Variants in NAAA observed in about 807,000 individuals in gnomAD.
The protein encoded by NAAA is N-acylethanolamine acid amidase.
NAAA carries 39 observed loss-of-function variants against 44.8 expected under a neutral mutation model. The ratio of observed to expected loss-of-function variants is 0.87; its 90% CI spans 0.67 to 1.14. The LOEUF (loss-of-function observed/expected upper bound fraction) is 1.14, where lower values mean the gene tolerates loss of function less well. Ranked by LOEUF, NAAA falls within the 50% of genes most tolerant of loss-of-function variation. The pLI is 0.00. For missense variants in NAAA, 460 were observed against 467.8 expected, an observed-to-expected ratio of 0.98 and a Z score of 0.15; for synonymous variants, 178 against 191.3, an observed-to-expected ratio of 0.93 and a Z score of 0.58.
intron 5 of NAAA, 58 bp from the exon 6 acceptor site, chr4:75,921,181 A>C: frequency 6.8e-7 from 1 of 1,475,314 alleles, no homozygotes; most frequent in Admixed American, 2.4e-5. Flanking sequence ...TCCACACCAG[A>C]TGATGCAAAA....
intron 2 of NAAA, among the ~76,000 whole-genome samples, chr4:75,937,153 G>C (rs1269572355): frequency 6.6e-6 from 1 of 152,210 alleles, no homozygotes; most frequent in Non-Finnish European, 1.5e-5. Flanking sequence ...GGGCACAGTG[G>C]CTCATGCCTG....
intron 9 of NAAA, among the ~76,000 whole-genome samples, chr4:75,915,465 C>T (rs936557054): frequency 4.6e-5 from 7 of 152,310 alleles, no homozygotes; most frequent in South Asian, 2.1e-4. Flanking sequence ...GCCTTACTTG[C>T]ACACATGTGA....
chr4:75,917,787 A>G lies in NAAA; in HGVS notation c.998+974T>C, dbSNP rs539881624. 70 of 434,080 alleles carry G rather than the reference A, an allele frequency of 1.6e-4. No homozygotes were observed. The East Asian group carries it at 2.1e-3, about 13-fold the overall frequency. 26.9% of individuals were successfully genotyped at this position (434,080 alleles called of 1,614,324 possible). On this transcript the variant is annotated intron_variant, in intron 9 of 10. Coordinates refer to ENST00000286733, the MANE Select transcript of NAAA (RefSeq NM_014435.4). The stretch of plus-strand genomic sequence containing the variant: ...GGCCTGCTTTCACTTAAAAAAAAAA[A>G]AAAAAGAAAAAGAAATTAAAAAGAA...
Position 75,921,694 on chromosome 4 carries a change from G to A in NAAA, c.667-571C>T, listed in dbSNP as rs990290615. On this transcript the variant is annotated intron_variant, in intron 5 of 10. Coordinates refer to ENST00000286733, the MANE Select transcript of NAAA (RefSeq NM_014435.4). Reference sequence around the variant, plus strand: ...GAGGTACTGCTGGGAAGCATCGCATGAATTGAAGCTAAAGAGACAAACACA... The same window carrying A: ...GAGGTACTGCTGGGAAGCATCGCATAAATTGAAGCTAAAGAGACAAACACA... 2.6e-5 allele frequency among the ~76,000 whole-genome samples: 4 copies of A among 152,208 alleles called. No individual in the cohort carries two copies. In the East Asian group the frequency reaches 5.8e-4, roughly 22 times the overall value.
At chr4:75,915,431 C>T (rs1445133911) in intron 9 of NAAA, among the ~76,000 whole-genome samples, 1 of 152,152 alleles carries the variant, frequency 6.6e-6, no homozygotes, top group Non-Finnish European at 1.5e-5. Flanking sequence ...TGGCCCTCAC[C>T]CTGGCTCTGT....
At chr4:75,935,263 A>G (rs1392603752) in intron 3 of NAAA, 1 of 152,218 alleles carries the variant, frequency 6.6e-6, no homozygotes, top group African/African-American at 2.4e-5. Flanking sequence ...ATGAGTTTTT[A>G]GTATTTGTGA....
chr4:75,920,956 A>C lies in NAAA; in HGVS notation c.834T>G (p.Asn278Lys), dbSNP rs780974723. 43 of 1,613,614 alleles carry C rather than the reference A, an allele frequency of 2.7e-5. No individual in the cohort carries two copies. The highest frequency in any genetic ancestry group is 4.0e-5 in the African/African-American group (3 of 74,850). ...PADIWPLDPL[N>K]GAWFRVETNY... ...GAGCTTTCAATTCTACTTACGCTCCATTCAAAGGATCTAGAGGCCAAATGT... is the reference window on the plus strand; with the variant it reads ...GAGCTTTCAATTCTACTTACGCTCCCTTCAAAGGATCTAGAGGCCAAATGT... Residue 278 changes from asparagine (N) to lysine (K), a missense_variant, in exon 6 of 11, where the codon AAT becomes AAG. Asn to Lys is a moderately conservative substitution (Grantham distance 94, BLOSUM62 0). Coordinates refer to ENST00000286733, the MANE Select transcript of NAAA (RefSeq NM_014435.4).
rs1725433425 is a variant in NAAA at position 75,913,814 on chromosome 4, A to G, written c.*561T>C. The G allele has an allele frequency of 2.0e-6, 2 of 985,282 alleles. No individual in the cohort carries two copies. 61.0% of individuals were successfully genotyped at this position (985,282 alleles called of 1,614,324 possible). ...AAGAAGGAGGGCCATAGGTTTTTCA[A>G]TAAAACGTTAGAAACATTATAAAAA... On this transcript the variant is annotated 3_prime_UTR_variant, in exon 11 of 11. Transcript: ENST00000286733.
intron 4 of NAAA, 72 bp downstream of exon 4, chr4:75,931,142 G>A: frequency 4.9e-6 from 6 of 1,213,324 alleles, no homozygotes; most frequent in Non-Finnish European, 7.2e-6. Flanking sequence ...TCTGTTGGGT[G>A]AGTGAAGGAA....
chr4:75,913,284 C>T (rs904666723), downstream of NAAA, among the ~76,000 whole-genome samples: 2 of 151,770 alleles, frequency 1.3e-5, no homozygotes, highest in African/African-American at 4.8e-5. Flanking sequence ...TTTTTATCCC[C>T]CGCTCCTGCT....
At position 75,940,170 on chromosome 4, in the gene NAAA, A is replaced by T; in HGVS notation, c.207-5T>A. The T allele has an allele frequency of 6.2e-7, 1 of 1,612,238 alleles. No homozygotes were observed. The highest frequency in any genetic ancestry group is 8.5e-7 in the Non-Finnish European group (1 of 1,178,740). ...ACCCACTTGGGGACTCTGTCCCTAG[A>T]AACAAAAAGCACAAGGGCGTCTGAC... On this transcript the variant is annotated splice_polypyrimidine_tract_variant and splice_region_variant and intron_variant, in intron 1 of 10. Transcript: ENST00000286733.
intron 2 of NAAA, chr4:75,939,668 G>A (rs552110790): frequency 6.3e-4 from 155 of 244,144 alleles, no homozygotes; most frequent in African/African-American, 3.2e-3. Flanking sequence ...GCCCACCTTG[G>A]CCTCCCAAAG....
At chr4:75,931,068 G>A (rs1357497458) in intron 4 of NAAA, 146 bp downstream of exon 4, 9 of 589,208 alleles carry the variant, frequency 1.5e-5, no homozygotes. Flanking sequence ...TTGCTTCCAT[G>A]CATACTGTCC....
At chr4:75,933,974 G>A (rs1727468533) in intron 3 of NAAA, among the ~76,000 whole-genome samples, 1 of 151,616 alleles carries the variant, frequency 6.6e-6, no homozygotes, top group Non-Finnish European at 1.5e-5. Flanking sequence ...AGGTTGCAGT[G>A]AGCCGAGATC....
At chr4:75,934,426 C>T (rs1052455084) in intron 3 of NAAA, among the ~76,000 whole-genome samples, 1 of 151,808 alleles carries the variant, frequency 6.6e-6, no homozygotes. Flanking sequence ...AGCGATTCCC[C>T]TGCCTCAGCC....
chr4:75,933,559 A>G (rs113454283), intron 3 of NAAA, among the ~76,000 whole-genome samples: 1 of 152,208 alleles, frequency 6.6e-6, no homozygotes, highest in Admixed American at 6.5e-5. Context: ...AATTGAAGTT[A>G]TGAGATCAAA....
chr4:75,913,925 A>G lies in NAAA; in HGVS notation c.*450T>C, dbSNP rs750077889. The stretch of plus-strand genomic sequence containing the variant: ...GGCTTGGTTCGAAATAGAGTTCTCC[A>G]TTTCTTTCAGATGAGCCTTTTTTCT... On this transcript the variant is annotated 3_prime_UTR_variant, in exon 11 of 11. Transcript: ENST00000286733. 4.3e-5 allele frequency: 42 copies of G among 985,318 alleles called. No individual in the cohort carries two copies. The highest frequency in any genetic ancestry group is 1.2e-4 in the Admixed American group (2 of 16,268). 61.0% of individuals were successfully genotyped at this position (985,318 alleles called of 1,614,324 possible).
chr4:75,933,032 G>A (rs1004991304), intron 3 of NAAA, among the ~76,000 whole-genome samples: 2 of 151,554 alleles, frequency 1.3e-5, no homozygotes, highest in Non-Finnish European at 2.9e-5. Context: ...CTACTCGGGA[G>A]GCTAAGGCAG....
intron 4 of NAAA, 125 bp downstream of exon 4, chr4:75,931,089 C>T (rs886522825): frequency 1.5e-6 from 1 of 685,136 alleles, no homozygotes. Context: ...ACTTTCTCCC[C>T]CTAGGATGGA....
Sources: gnomAD v4.1 joint callset for allele counts (sites outside exome capture counted in the v4.1 genomes callset) on GRCh38, gnomAD v4.1.1 for gene constraint, MANE v1.5 for transcripts, NCBI Gene and HGNC (gene_info 2026-07-23, HGNC 2026-07-21) for gene names.